LYPD6B: variants seen among roughly 807,000 people sequenced by gnomAD.
LYPD6B encodes the protein ly6/PLAUR domain-containing protein 6B.
LYPD6B carries 17 observed loss-of-function variants against 22.8 expected under a neutral mutation model. The observed-to-expected ratio is 0.75, with a 90% CI of 0.51 to 1.12. The LOEUF (loss-of-function observed/expected upper bound fraction) is 1.12. Among genes scored for constraint, LYPD6B ranks in the 50% most tolerant of loss-of-function variants. The probability of loss-of-function intolerance (pLI) is 0.00; values close to 1 mark genes in which losing one functional copy is unlikely to be tolerated. For missense variants in LYPD6B, 221 were observed against 258.3 expected (o/e 0.86, Z 0.99); for synonymous variants, 106 against 91.6 (o/e 1.16, Z -0.90).
At chr2:149,092,313 A>G (rs1240158151) in intron 1 of LYPD6B, among the ~76,000 whole-genome samples, 2 of 152,100 alleles carry the variant, frequency 1.3e-5, no homozygotes, top group African/African-American at 4.8e-5. Context: ...ATTATTATGC[A>G]GGGGTGCTGA....
rs1686865872 is a variant in LYPD6B, at chr2:149,113,632, A to G, written c.-66-17251A>G. Among the ~76,000 whole-genome samples, 3 of 152,158 alleles carry G rather than the reference A, an allele frequency of 2.0e-5. No homozygotes were observed. In the South Asian group the frequency reaches 6.2e-4, roughly 31 times the overall value. On this transcript the variant is annotated intron_variant, in intron 1 of 6. Coordinates refer to ENST00000409642, the MANE Select transcript of LYPD6B (RefSeq NM_177964.5). ...TGCTTTCATGTGTATATGCTGTTCC[A>G]TTTGAGTCTCACTATAGTCTCTAGT...
intron 1 of LYPD6B, among the ~76,000 whole-genome samples, chr2:149,050,927 A>G (rs1683521342): frequency 6.6e-6 from 1 of 152,132 alleles, no homozygotes; most frequent in African/African-American, 2.4e-5. Context: ...TATTCATTAT[A>G]AAAGATGTAT....
chr2:149,089,585 C>T (rs1401528264), intron 1 of LYPD6B, among the ~76,000 whole-genome samples: 1 of 152,094 alleles, frequency 6.6e-6, no homozygotes, highest in East Asian at 1.9e-4. Context: ...AATTCATACT[C>T]TGTGTATTTA....
intron 3 of LYPD6B, among the ~76,000 whole-genome samples, chr2:149,191,569 G>A (rs2106061362): frequency 1.3e-5 from 2 of 152,256 alleles, no homozygotes; most frequent in East Asian, 3.9e-4. Flanking sequence ...TGTCTATACT[G>A]TTTTAATTAT....
intron 3 of LYPD6B, among the ~76,000 whole-genome samples, chr2:149,199,143 T>C (rs1406477146): frequency 1.3e-5 from 2 of 152,194 alleles, no homozygotes; most frequent in Non-Finnish European, 2.9e-5. Flanking sequence ...GCACCTAAGA[T>C]TTCTTGAACC....
chr2:149,041,203 A>G (rs1237529934), intron 1 of LYPD6B, among the ~76,000 whole-genome samples: 2 of 150,326 alleles, frequency 1.3e-5, no homozygotes, highest in African/African-American at 2.4e-5. Context: ...TAATATGTTT[A>G]GGTTACTCTA....
intron 1 of LYPD6B, among the ~76,000 whole-genome samples, chr2:149,127,862 G>A (rs1687789860): frequency 6.6e-6 from 1 of 152,004 alleles, no homozygotes; most frequent in African/African-American, 2.4e-5. Flanking sequence ...TTGGTTTATG[G>A]GGTATAATGG....
chr2:149,205,277 A>C lies in LYPD6B; in HGVS notation c.102A>C (p.Ala34=). Residue 34 remains alanine (A), a synonymous_variant, in exon 4 of 7, where the codon GCA becomes GCC. Transcript: ENST00000409642. ...FSRYKSSDRP[A]HKVSMLLLCH... ...GATATAAGAGTTCGGACCGCCCAGC[A>C]CACAAGGTCAGCATGCTGCTCCTCT... 1 of 1,613,862 alleles carries C rather than the reference A, an allele frequency of 6.2e-7. No individual in the cohort carries two copies. The highest frequency in any genetic ancestry group is 8.5e-7 in the Non-Finnish European group (1 of 1,179,816).
chr2:149,103,142 A>G (rs1686292999), intron 1 of LYPD6B, among the ~76,000 whole-genome samples: 1 of 152,192 alleles, frequency 6.6e-6, no homozygotes. Context: ...AAGGGAACTC[A>G]AGGCATTGTT....
At chr2:149,068,872 T>C (rs76795342) in intron 1 of LYPD6B, 2 of 323,652 alleles carry the variant, frequency 6.2e-6, no homozygotes, top group Admixed American at 3.7e-5. Flanking sequence ...CCTCCAAGGC[T>C]TCCTGAAAAG....
chr2:149,144,348 A>G (rs1441491221), intron 2 of LYPD6B, among the ~76,000 whole-genome samples: 1 of 152,118 alleles, frequency 6.6e-6, no homozygotes, highest in African/African-American at 2.4e-5. Context: ...TAGAGCCTCT[A>G]TCTGGCCCTT....
chr2:149,041,637 G>A (rs1330643502), intron 1 of LYPD6B, among the ~76,000 whole-genome samples: 6 of 152,312 alleles, frequency 3.9e-5, no homozygotes, highest in Admixed American at 2.0e-4. Context: ...GCAACAAACT[G>A]TGTCTCCCAG....
chr2:149,077,101 G>C (rs1209761863), intron 1 of LYPD6B, among the ~76,000 whole-genome samples: 3 of 152,226 alleles, frequency 2.0e-5, no homozygotes, highest in African/African-American at 4.8e-5. Flanking sequence ...ACTGCTGTCT[G>C]TTAGAATGCA....
intron 3 of LYPD6B, among the ~76,000 whole-genome samples, chr2:149,200,195 G>T (rs964816429): frequency 2.0e-5 from 3 of 152,202 alleles, no homozygotes; most frequent in Non-Finnish European, 2.9e-5. Flanking sequence ...AGGCATGTTG[G>T]ACTTAGTAGA....
chr2:149,145,652 C>T (rs949902266), intron 2 of LYPD6B, among the ~76,000 whole-genome samples: 1 of 152,140 alleles, frequency 6.6e-6, no homozygotes, highest in Admixed American at 6.5e-5. Context: ...CCTCCCTTCT[C>T]CCTTTTAACA....
At chr2:149,091,621 A>G (rs1479908497) in intron 1 of LYPD6B, among the ~76,000 whole-genome samples, 1 of 148,388 alleles carries the variant, frequency 6.7e-6, no homozygotes, top group Non-Finnish European at 1.5e-5. Flanking sequence ...CATGATTGGC[A>G]TTCTTTTTTT....
intron 2 of LYPD6B, among the ~76,000 whole-genome samples, chr2:149,154,561 G>T (rs765764143): frequency 2.6e-5 from 4 of 151,742 alleles, no homozygotes; most frequent in Non-Finnish European, 4.4e-5. Context: ...TACAGCACAA[G>T]AATTTACCAA....
At chr2:149,053,529 A>G (rs1300059544) in intron 1 of LYPD6B, among the ~76,000 whole-genome samples, 1 of 152,186 alleles carries the variant, frequency 6.6e-6, no homozygotes, top group Admixed American at 6.5e-5. Context: ...CTATCACTGA[A>G]CATTTTCATC....
intron 2 of LYPD6B, among the ~76,000 whole-genome samples, chr2:149,137,795 T>C (rs532016671): frequency 9.8e-5 from 15 of 152,292 alleles, no homozygotes; most frequent in African/African-American, 3.6e-4. Context: ...AATATTCTAT[T>C]ATTTCATTAT....
Sources: allele counts gnomAD v4.1 joint callset (sites outside exome capture counted in the v4.1 genomes callset), GRCh38; gene constraint gnomAD v4.1.1; transcripts MANE v1.5; gene names NCBI Gene and HGNC (gene_info 2026-07-23, HGNC 2026-07-21).